The following RINT1 variants were observed in gnomAD, a reference collection of about 807,000 sequenced individuals.
The protein encoded by RINT1 is RAD50 interactor 1.
Under a neutral mutation model 97.7 loss-of-function variants are expected in RINT1, and 75 were observed. That is an observed-to-expected ratio of 0.77 (90% CI 0.64 to 0.93). RINT1 has a LOEUF of 0.93. RINT1 is among the 40% of genes least tolerant of loss of function. RINT1 has a pLI of 0.00. For synonymous variants in RINT1, 303 were observed against 326.3 expected (o/e 0.93, Z 0.77); for missense variants, 892 against 925.2 (o/e 0.96, Z 0.47).
chr7:105,542,984 A>C (rs916250087), intron 4 of RINT1, among the ~76,000 whole-genome samples: 1 of 151,508 alleles, frequency 6.6e-6, no homozygotes, highest in Non-Finnish European at 1.5e-5. Flanking sequence ...TCCCGGGTTC[A>C]TGCCATTCTC....
chr7:105,558,497 A>ACAT, intron 11 of RINT1, among the ~76,000 whole-genome samples: 1 of 152,296 alleles, frequency 6.6e-6, no homozygotes, highest in South Asian at 2.1e-4. Flanking sequence ...TATTTGTAGA[A>ACAT]CATCATCAAC....
chr7:105,543,146 G>T (rs960463039), intron 4 of RINT1, among the ~76,000 whole-genome samples: 2 of 151,964 alleles, frequency 1.3e-5, no homozygotes, highest in Non-Finnish European at 2.9e-5. Flanking sequence ...AGCCTCGGCC[G>T]CTGGAAGTGC....
chr7:105,545,933 A>G (rs1238642852), intron 4 of RINT1, among the ~76,000 whole-genome samples: 1 of 141,468 alleles, frequency 7.1e-6, no homozygotes, highest in Non-Finnish European at 1.5e-5. Flanking sequence ...CCTCCCGAGT[A>G]GCTGGGATTA....
intron 2 of RINT1, among the ~76,000 whole-genome samples, chr7:105,535,207 A>G (rs932389879): frequency 2.7e-5 from 4 of 149,562 alleles, no homozygotes; most frequent in Non-Finnish European, 5.9e-5. Flanking sequence ...AATGACATCG[A>G]TGACATTTGA....
intron 4 of RINT1, 64 bp downstream of exon 4, chr7:105,542,713 AC>A: frequency 6.7e-7 from 1 of 1,485,196 alleles, no homozygotes. Context: ...CTTAGAGAGT[AC>A]ATGTGTGCCA....
At chr7:105,558,825 G>A (rs1791300190) in intron 11 of RINT1, among the ~76,000 whole-genome samples, 1 of 151,736 alleles carries the variant, frequency 6.6e-6, no homozygotes, top group Non-Finnish European at 1.5e-5. Context: ...ACTGGGCATG[G>A]CAGGCATGCT....
intron 3 of RINT1, among the ~76,000 whole-genome samples, chr7:105,537,125 A>ATTT (rs5886357): frequency 1.1e-4 from 12 of 113,344 alleles, no homozygotes; most frequent in Non-Finnish European, 1.3e-4. Flanking sequence ...CATCATTTCA[A>ATTT]TTTTTTTTTT....
intron 7 of RINT1, among the ~76,000 whole-genome samples, chr7:105,549,754 G>C (rs1397190294): frequency 6.6e-6 from 1 of 152,052 alleles, no homozygotes; most frequent in African/African-American, 2.4e-5. Context: ...TCAGTTCTTT[G>C]TAATACTCAT....
chr7:105,543,812 C>T (rs1790553241), intron 4 of RINT1, among the ~76,000 whole-genome samples: 1 of 151,506 alleles, frequency 6.6e-6, no homozygotes, highest in Non-Finnish European at 1.5e-5. Flanking sequence ...GTTTTTAGGC[C>T]AGGTGCAGTG....
In RINT1 at chr7:105,551,569, G is replaced by C. The variant is rs1339784438; in HGVS notation, c.1334-1G>C. On this transcript the variant is annotated splice_acceptor_variant, in intron 9 of 14. Coordinates refer to ENST00000257700, the MANE Select transcript of RINT1 (RefSeq NM_021930.6). LOFTEE classifies it high-confidence loss of function. ...ACATAATTGTTTTGTCTGCTTATCA[G>C]TTGCTCTTCAAAAAATGGACTCAAT... 6.3e-7 allele frequency: 1 copy of C among 1,594,892 alleles called. No individual in the cohort carries two copies. The highest frequency in any genetic ancestry group is 1.1e-5 in the South Asian group (1 of 87,736).
chr7:105,551,694 C>G lies in RINT1; in HGVS notation c.1458C>G (p.Leu486=), dbSNP rs544265915. 1.9e-6 allele frequency: 3 copies of G among 1,604,088 alleles called. No individual in the cohort carries two copies. Among genetic ancestry groups the G allele is most frequent in the Non-Finnish European group, 1.7e-6 (2 of 1,175,940 alleles). ...GTGCAGAAACTTTTATGACTCTACT[C>G]TTGGTTATAACTGGTAAGTATGTCT... ...PDCAETFMTL[L]LVITDRYKNL... The change falls in exon 10 of 15, where the codon CTC becomes CTG. Residue 486 remains leucine (L), a synonymous_variant. Transcript: ENST00000257700.
chr7:105,554,194 G>A (rs1188092201), intron 10 of RINT1, among the ~76,000 whole-genome samples: 1 of 151,410 alleles, frequency 6.6e-6, no homozygotes, highest in Non-Finnish European at 1.5e-5. Flanking sequence ...CACTGTGCCC[G>A]GCGAATTTTT....
intron 12 of RINT1, 135 bp downstream of exon 12, chr7:105,564,082 A>G: frequency 1.5e-6 from 1 of 650,664 alleles, no homozygotes; most frequent in Non-Finnish European, 2.6e-6. Context: ...ATATTTCTAA[A>G]GTATGTTCTC....
At chr7:105,559,198 C>A (rs1189932639) in intron 11 of RINT1, among the ~76,000 whole-genome samples, 1 of 151,960 alleles carries the variant, frequency 6.6e-6, no homozygotes, top group Non-Finnish European at 1.5e-5. Flanking sequence ...AGTTTGAGAC[C>A]AGCCTGGCCA....
At chr7:105,565,778 C>G in intron 14 of RINT1, 130 bp downstream of exon 14, 1 of 627,752 alleles carries the variant, frequency 1.6e-6, no homozygotes, top group Non-Finnish European at 2.8e-6. Context: ...CATTGTCTAT[C>G]TACTGTATGC....
chr7:105,547,268 C>T lies in RINT1; in HGVS notation c.774C>T (p.Ala258=), dbSNP rs1790708496. The change falls in exon 6 of 15, where the codon GCC becomes GCT. Residue 258 remains alanine (A), a synonymous_variant. Transcript: ENST00000257700. ...AAACTGTTGGCTTAAGTCGACCTGC[C>T]AGTGCCCCGGAGATATACAGTTACC... ...QSQTVGLSRP[A]SAPEIYSYLE... 2 of 1,614,076 alleles carry T rather than the reference C, an allele frequency of 1.2e-6. No homozygotes were observed. Among genetic ancestry groups the T allele is most frequent in the Non-Finnish European group, 1.7e-6 (2 of 1,180,026 alleles).
chr7:105,546,591 C>A (rs1181179616), intron 4 of RINT1, among the ~76,000 whole-genome samples: 1 of 152,064 alleles, frequency 6.6e-6, no homozygotes, highest in Non-Finnish European at 1.5e-5. Context: ...AATTTGCTTT[C>A]GGCTGGGCAC....
chr7:105,542,154 C>A, intron 3 of RINT1: 2 of 327,936 alleles, frequency 6.1e-6, no homozygotes, highest in African/African-American at 2.2e-5. Flanking sequence ...CATAGTGAGA[C>A]CTTATTTCTA....
chr7:105,542,521 C>T lies in RINT1; in HGVS notation c.387C>T (p.Ser129=), dbSNP rs769363586. The T allele has an allele frequency of 1.2e-4, 189 of 1,614,006 alleles. No homozygotes were observed. The highest frequency in any genetic ancestry group is 1.4e-4 in the Non-Finnish European group (170 of 1,180,028). Residue 129 remains serine, a synonymous_variant, in exon 4 of 15, where the codon AGC becomes AGT. Transcript: ENST00000257700. ...QFLEQETHLF[S]AINSHLLTAQ... Reference sequence around the variant, plus strand: ...TGGAGCAGGAAACTCATCTCTTCAGCGCCATTAACAGCCATTTGCTGACTG... The same window carrying T: ...TGGAGCAGGAAACTCATCTCTTCAGTGCCATTAACAGCCATTTGCTGACTG...
Sources: gnomAD v4.1 joint callset for allele counts (sites outside exome capture counted in the v4.1 genomes callset) on GRCh38, gnomAD v4.1.1 for gene constraint, MANE v1.5 for transcripts, NCBI Gene and HGNC (gene_info 2026-07-23, HGNC 2026-07-21) for gene names.